The following SLC25A41 variants were observed in gnomAD, a reference collection of about 807,000 sequenced individuals.
SLC25A41 encodes mitochondrial carrier protein SCaMC-3L.
Under a neutral mutation model 34.7 loss-of-function variants are expected in SLC25A41, and 35 were observed. The observed-to-expected ratio is 1.01, with a 90% CI of 0.77 to 1.34. SLC25A41 has a LOEUF of 1.34. Ranked by LOEUF, SLC25A41 falls within the 40% of genes most tolerant of loss-of-function variation. SLC25A41 has a pLI of 0.00. For synonymous variants in SLC25A41, 190 were observed against 209.9 expected (o/e 0.91, Z 0.82); for missense variants, 492 against 489.8 (o/e 1.00, Z -0.04).
rs2092280428 is a variant in SLC25A41 at position 6,430,403 on chromosome 19, T to G, written c.364-242A>C. On this transcript the variant is annotated intron_variant, in intron 2 of 6. Coordinates refer to ENST00000321510, the MANE Select transcript of SLC25A41 (RefSeq NM_173637.4). ...CCTCCTCTTCATCTCCTCAGTCTTT[T>G]TCTCTCTCTCTTTCTTCCTTCCATC... 5 of 567,428 alleles carry G rather than the reference T, an allele frequency of 8.8e-6. No homozygotes were observed. In the East Asian group the frequency reaches 1.6e-4, roughly 18 times the overall value. 35.1% of individuals were successfully genotyped at this position (567,428 alleles called of 1,614,324 possible).
chr19:6,429,111 T>TATATTATATATATGTTACATATATATA (rs2092263239), intron 4 of SLC25A41, among the ~76,000 whole-genome samples: 2 of 58,608 alleles, frequency 3.4e-5, no homozygotes, highest in South Asian at 4.5e-4. Flanking sequence ...ATATATATAA[T>TATATTATATATATGTTACATATATATA]ATATATATTA....
intron 4 of SLC25A41, among the ~76,000 whole-genome samples, chr19:6,429,098 CATAT>C (rs368707238): frequency 1.2e-4 from 1 of 8,384 alleles, no homozygotes; most frequent in Non-Finnish European, 2.1e-4. Flanking sequence ...ATATATGTTA[CATAT>C]ATATATAATA....
In SLC25A41 at chr19:6,432,034, C is replaced by A. The variant is rs376053870; in HGVS notation, c.363+15G>T. 1.2e-5 allele frequency: 20 copies of A among 1,605,036 alleles called. No homozygotes were observed. The highest frequency in any genetic ancestry group is 9.4e-5 in the African/African-American group (7 of 74,804). On this transcript the variant is annotated intron_variant, in intron 2 of 6. Transcript: ENST00000321510. ...TCCAGCGCTGGGTCCCGTCCTCCCC[C>A]CAACCCACACAAACCTGCATGTACA...
At chr19:6,432,360 T>TA (rs1445870219) in intron 1 of SLC25A41, among the ~76,000 whole-genome samples, 156 bp from the exon 2 acceptor site, 1 of 151,728 alleles carries the variant, frequency 6.6e-6, no homozygotes, top group Non-Finnish European at 1.5e-5. Flanking sequence ...CTGCCCAGGT[T>TA]AGAGTGCAGT....
upstream of SLC25A41, among the ~76,000 whole-genome samples, chr19:6,434,159 G>A (rs773136118): frequency 1.3e-5 from 2 of 152,080 alleles, no homozygotes; most frequent in Non-Finnish European, 2.9e-5. Flanking sequence ...TAGCCAGGAT[G>A]GTCTCGATCT....
In SLC25A41 at chr19:6,429,165, A is replaced by ATTATATATATGT. The variant is rs2092267549; in HGVS notation, c.624+558_624+559insACATATATATAA. 3.6e-3 allele frequency among the ~76,000 whole-genome samples: 26 copies of ATTATATATATGT among 7,176 alleles called. 2 individuals carry two copies. Among genetic ancestry groups the ATTATATATATGT allele is most frequent in the African/African-American group, 0.014 (25 of 1,726 alleles). 4.7% of individuals were successfully genotyped at this position (7,176 alleles called of 152,430 possible). A position where few individuals can be genotyped will look rare whatever the true frequency, so the allele number is the denominator to read the frequency against. ...ATATAATATATATATTATATATATA[A>ATTATATATATGT]TATATATATAATATATATATGTTAT... On this transcript the variant is annotated intron_variant, in intron 4 of 6. Coordinates refer to ENST00000321510, the MANE Select transcript of SLC25A41 (RefSeq NM_173637.4).
rs181190841 is a variant in SLC25A41 at position 6,426,708 on chromosome 19, G to C, written c.941-147C>G. Reference sequence around the variant, plus strand: ...GTTTGAAGAGTCTTAGAGGAAATTGGTCAGTTTGAGGAGGAGTGGGGGAGT... The same window carrying C: ...GTTTGAAGAGTCTTAGAGGAAATTGCTCAGTTTGAGGAGGAGTGGGGGAGT... On this transcript the variant is annotated intron_variant, in intron 6 of 6. Coordinates refer to ENST00000321510, the MANE Select transcript of SLC25A41 (RefSeq NM_173637.4). The C allele has an allele frequency of 4.4e-5, 35 of 801,368 alleles. No individual in the cohort carries two copies. In the East Asian group the frequency reaches 6.8e-4, roughly 15 times the overall value. The allele number at this position is 801,368 out of a possible 1,614,324, so 49.6% of individuals were successfully genotyped here.
chr19:6,431,853 C>T (rs1418348331), intron 2 of SLC25A41, among the ~76,000 whole-genome samples, 196 bp downstream of exon 2: 1 of 152,114 alleles, frequency 6.6e-6, no homozygotes, highest in Non-Finnish European at 1.5e-5. Flanking sequence ...CTCAACTCCT[C>T]AAACTCGACT....
At position 6,426,181 on chromosome 19, in the gene SLC25A41, C is replaced by A. The variant is rs3760751; in HGVS notation, c.*208G>T. The A allele has an allele frequency of 2.8e-4, 155 of 546,806 alleles. 1 individual carries two copies. In the East Asian group the frequency reaches 4.4e-3, roughly 16 times the overall value. 33.9% of individuals were successfully genotyped at this position (546,806 alleles called of 1,614,324 possible). On this transcript the variant is annotated 3_prime_UTR_variant, in exon 7 of 7. Coordinates refer to ENST00000321510, the MANE Select transcript of SLC25A41 (RefSeq NM_173637.4). ...CTGGGGAGGGAGTCCCAGGAGTTTT[C>A]TGACCCAGCACTGCCCCCCTCCACC...
rs373812911 is a variant in SLC25A41, at chr19:6,429,379, AAGGAAGAG to A, written c.624+337_624+344del. On this transcript the variant is annotated intron_variant, in intron 4 of 6. Coordinates refer to ENST00000321510, the MANE Select transcript of SLC25A41 (RefSeq NM_173637.4). ...GGGAGAAAGGAGGAGGGAGAAAGGA[AAGGAAGAG>A]GGGAGGAGAAGGGAGAAAGGAAGAG... 2.3e-3 allele frequency among the ~76,000 whole-genome samples: 66 copies of A among 28,492 alleles called. 5 individuals are homozygous for A. Among genetic ancestry groups the A allele is most frequent in the East Asian group, 3.1e-3 (2 of 642 alleles). The allele number at this position is 28,492 out of a possible 152,430, so 18.7% of individuals were successfully genotyped here. A position where few individuals can be genotyped will look rare whatever the true frequency, so the allele number is the denominator to read the frequency against.
Position 6,426,330 on chromosome 19 carries a change from A to C in SLC25A41, c.*59T>G. 1 of 1,437,668 alleles carries C rather than the reference A, an allele frequency of 7.0e-7. No homozygotes were observed. Among genetic ancestry groups the C allele is most frequent in the East Asian group, 3.0e-5 (1 of 33,462 alleles). 89.1% of individuals were successfully genotyped at this position (1,437,668 alleles called of 1,614,324 possible). On this transcript the variant is annotated 3_prime_UTR_variant, in exon 7 of 7. Transcript: ENST00000321510. Reference sequence around the variant, plus strand: ...GAGGCCTCGAGGGCTCTTTGGGGCCAGGGGTCATCAGGTCCTCCTGTCCCA... The same window carrying C: ...GAGGCCTCGAGGGCTCTTTGGGGCCCGGGGTCATCAGGTCCTCCTGTCCCA...
chr19:6,433,358 C>A, intron 1 of SLC25A41, 129 bp downstream of exon 1: 1 of 940,208 alleles, frequency 1.1e-6, no homozygotes, highest in Non-Finnish European at 1.7e-6. Context: ...CCTCCCTGCC[C>A]CACCCTGCTT....
intron 2 of SLC25A41, 148 bp downstream of exon 2, chr19:6,431,901 A>G: frequency 2.1e-6 from 2 of 936,466 alleles, no homozygotes; most frequent in South Asian, 3.9e-5. Flanking sequence ...ACCATCCACA[A>G]CCTCAATCTC....
Position 6,433,608 on chromosome 19 carries a change from G to C in SLC25A41, c.86C>G (p.Ala29Gly), listed in dbSNP as rs202236298. ...FRRVKTLLIK[A>G]PPPPQPPPPP... is the part of the protein sequence containing the mutation. ...AGGCGGAGGTTGGGGGGGAGGCGGG[G>C]CTTTGATGAGTAAGGTCTTGACCCT... is the stretch of plus-strand genomic sequence containing the variant. Residue 29 changes from alanine to glycine, a missense_variant, in exon 1 of 7, where the codon GCC becomes GGC. Coordinates refer to ENST00000321510, the MANE Select transcript of SLC25A41 (RefSeq NM_173637.4). 22 of 1,612,268 alleles carry C rather than the reference G, an allele frequency of 1.4e-5. No homozygotes were observed. The highest frequency in any genetic ancestry group is 1.9e-5 in the Non-Finnish European group (22 of 1,179,036).
rs1246638472 is a variant in SLC25A41 at position 6,429,708 on chromosome 19, G to A, written c.624+16C>T. On this transcript the variant is annotated intron_variant, in intron 4 of 6. Transcript: ENST00000321510. ...TCCACGGCGTTTCCTCACCTGCGGG[G>A]CACATGCTCTCTTACCTCCATGGGG... is the stretch of plus-strand genomic sequence containing the variant. 1 of 1,546,418 alleles carries A rather than the reference G, an allele frequency of 6.5e-7. No homozygotes were observed. The highest frequency in any genetic ancestry group is 1.2e-5 in the South Asian group (1 of 83,934).
rs1422487355 is a variant in SLC25A41, at chr19:6,432,082, C to T, written c.330G>A (p.Thr110=). The T allele has an allele frequency of 7.4e-6, 12 of 1,613,616 alleles. No homozygotes were observed. Among genetic ancestry groups the T allele is most frequent in the Admixed American group, 3.3e-5 (2 of 59,972 alleles). Residue 110 remains threonine, a synonymous_variant, in exon 2 of 7, where the codon ACG becomes ACA. Coordinates refer to ENST00000321510, the MANE Select transcript of SLC25A41 (RefSeq NM_173637.4). ...ACACCTTGGCTCTGTCCAGAGGTGC[C>T]GTGCCCGTGCGAGACACCGCCCCGG... ...AMAGAVSRTG[T]APLDRAKVYM...
At chr19:6,429,509 AG>A (rs1293623174) in intron 4 of SLC25A41, among the ~76,000 whole-genome samples, 5 of 14,596 alleles carry the variant, frequency 3.4e-4, no homozygotes, top group African/African-American at 7.8e-4. Context: ...AAGGAGGAGG[AG>A]GAGAGGAGGA....
In SLC25A41 at chr19:6,427,238, A is replaced by T; in HGVS notation, c.805T>A (p.Phe269Ile). 6.2e-7 allele frequency: 1 copy of T among 1,612,664 alleles called. No individual in the cohort carries two copies. The highest frequency in any genetic ancestry group is 8.5e-7 in the Non-Finnish European group (1 of 1,179,748). The change falls in exon 6 of 7, where the codon TTC (phenylalanine) becomes ATC (isoleucine). Residue 269 changes from phenylalanine to isoleucine, a missense_variant. Physicochemically the swap from Phe to Ile is conservative, Grantham distance 21. Transcript: ENST00000321510. This position sits in a 1 kb window ranked among gnomAD's most constrained non-coding sequence, Gnocchi z 4.9. Reference protein sequence around the residue: ...DLAVYEMLQCFWVKSGRDMGD... With the variant: ...DLAVYEMLQCIWVKSGRDMGD... ...ATATCCCTGCCTGACTTCACCCAGAAGCACTGGAGCATCTGCAAGAGAAGG... is the reference window on the plus strand; with the variant it reads ...ATATCCCTGCCTGACTTCACCCAGATGCACTGGAGCATCTGCAAGAGAAGG...
upstream of SLC25A41, among the ~76,000 whole-genome samples, chr19:6,434,697 TCAGGAGTTCGAGAC>T (rs1283005571): frequency 2.0e-5 from 3 of 151,834 alleles, no homozygotes; most frequent in African/African-American, 2.4e-5. Flanking sequence ...TCATCTGAGG[TCAGGAGTTCGAGAC>T]CAGCCTGACT....
Sources: gnomAD v4.1 joint callset for allele counts (sites outside exome capture counted in the v4.1 genomes callset) on GRCh38, gnomAD v4.1.1 for gene constraint, Gnocchi (gnomAD v3.1) non-coding constraint, MANE v1.5 for transcripts, NCBI Gene and HGNC (gene_info 2026-07-23, HGNC 2026-07-21) for gene names.